The following CNBD1 variants were observed in gnomAD, a reference collection of about 807,000 sequenced individuals.
CNBD1 encodes cyclic nucleotide binding domain containing 1, also known as cyclic nucleotide-binding domain-containing protein 1.
In CNBD1, 71 loss-of-function variants were observed where a neutral mutation model predicts 54.4. The observed-to-expected ratio is 1.30, with a 90% CI of 1.08 to 1.59. The LOEUF (loss-of-function observed/expected upper bound fraction) is 1.59. Among genes scored for constraint, CNBD1 ranks in the 40% most tolerant of loss-of-function variants. CNBD1 has a pLI of 0.00. For synonymous variants in CNBD1, 182 were observed against 170.7 expected (o/e 1.07, Z -0.51); for missense variants, 659 against 518.0 (o/e 1.27, Z -2.64).
chr8:87,389,567 G>T (rs1255444852), intron 2 of CNBD1, among the ~76,000 whole-genome samples: 2 of 152,096 alleles, frequency 1.3e-5, no homozygotes, highest in Non-Finnish European at 2.9e-5. Flanking sequence ...CCTCTTCAAG[G>T]AGAACTACAA....
intron 2 of CNBD1, among the ~76,000 whole-genome samples, chr8:87,425,338 C>T (rs975650873): frequency 6.6e-6 from 1 of 152,180 alleles, no homozygotes; most frequent in Non-Finnish European, 1.5e-5. Context: ...CATTCTCCGT[C>T]CAGCTTTGTT....
chr8:87,407,168 A>G (rs929115792), intron 2 of CNBD1, among the ~76,000 whole-genome samples: 1 of 152,086 alleles, frequency 6.6e-6, no homozygotes, highest in African/African-American at 2.4e-5. Context: ...TTACTTACTT[A>G]CTACACCTAT....
intron 2 of CNBD1, among the ~76,000 whole-genome samples, chr8:87,399,179 A>AT (rs1811457728): frequency 6.6e-6 from 1 of 152,004 alleles, no homozygotes. Context: ...GCTGATGGTT[A>AT]TTTTTGTTAC....
At chr8:87,269,787 A>T (rs989778885) in intron 6 of CNBD1, among the ~76,000 whole-genome samples, 10 of 152,048 alleles carry the variant, frequency 6.6e-5, no homozygotes, top group Non-Finnish European at 1.5e-4. Flanking sequence ...CCTACTAACC[A>T]AAAATAGTCC....
intron 4 of CNBD1, among the ~76,000 whole-genome samples, chr8:87,054,417 G>A (rs558084653): frequency 6.6e-6 from 1 of 152,268 alleles, no homozygotes; most frequent in South Asian, 2.1e-4. Context: ...ACCCCATTGA[G>A]GGCTATCATT....
intron 8 of CNBD1, among the ~76,000 whole-genome samples, chr8:87,334,963 A>G (rs1270174787): frequency 6.6e-6 from 1 of 151,904 alleles, no homozygotes; most frequent in Non-Finnish European, 1.5e-5. Flanking sequence ...TGACCTCATG[A>G]TCCACCCACC....
At position 87,316,452 on chromosome 8, in the gene CNBD1, G is replaced by C. The variant is rs181668543; in HGVS notation, c.1042+29781G>C. Among the ~76,000 whole-genome samples the C allele has an allele frequency of 5.3e-3, 803 of 151,984 alleles. 8 individuals are homozygous for C. The highest frequency in any genetic ancestry group is 0.042 in the South Asian group (201 of 4,824). ...GAAAACAAGAATCTTATGTAATTTA[G>C]GTAGGTGTGTCAATTGATGCAACAT... is the stretch of plus-strand genomic sequence containing the variant. On this transcript the variant is annotated intron_variant, in intron 8 of 10. Coordinates refer to ENST00000518476, the MANE Select transcript of CNBD1 (RefSeq NM_173538.3).
chr8:87,163,518 C>T lies in CNBD1; in HGVS notation c.432-42475C>T, dbSNP rs1812899920. The stretch of plus-strand genomic sequence containing the variant: ...TATTCAATGTGTACAGTTTTCTTAC[C>T]TCCTTGGTTAAATTTATTCCTAAGT... On this transcript the variant is annotated intron_variant, in intron 4 of 10. Coordinates refer to ENST00000518476, the MANE Select transcript of CNBD1 (RefSeq NM_173538.3). This position sits in a 1 kb window ranked among gnomAD's most constrained non-coding sequence, Gnocchi z 4.5. 6.6e-6 allele frequency among the ~76,000 whole-genome samples: 1 copy of T among 151,554 alleles called. No individual in the cohort carries two copies. The highest frequency in any genetic ancestry group is 1.5e-5 in the Non-Finnish European group (1 of 67,838).
chr8:87,214,588 A>G (rs1381905579), intron 5 of CNBD1, among the ~76,000 whole-genome samples: 1 of 152,136 alleles, frequency 6.6e-6, no homozygotes. Flanking sequence ...ACCAGTATCA[A>G]TTTACTTTAT....
chr8:87,273,905 A>G (rs891230106), intron 6 of CNBD1, among the ~76,000 whole-genome samples: 1 of 148,856 alleles, frequency 6.7e-6, no homozygotes, highest in Non-Finnish European at 1.5e-5. Flanking sequence ...TATATCTCCC[A>G]ATGCTATCCC....
intron 8 of CNBD1, among the ~76,000 whole-genome samples, chr8:87,331,183 A>C (rs1382153435): frequency 6.6e-6 from 1 of 152,106 alleles, no homozygotes; most frequent in East Asian, 1.9e-4. Flanking sequence ...TCCGACATGC[A>C]TTAGCTATCT....
chr8:86,953,243 CAACTTAA>C (rs1807671040), intron 4 of CNBD1, among the ~76,000 whole-genome samples: 1 of 152,110 alleles, frequency 6.6e-6, no homozygotes, highest in Non-Finnish European at 1.5e-5. Context: ...AGAAAAGAAA[CAACTTAA>C]TAATTGGGTA....
At chr8:87,100,317 T>A (rs557659242) in intron 4 of CNBD1, among the ~76,000 whole-genome samples, 1 of 152,256 alleles carries the variant, frequency 6.6e-6, no homozygotes, top group Admixed American at 6.5e-5. Context: ...AAAGAAAATA[T>A]TTGACGAAAC....
At chr8:87,422,278 A>C (rs973702200) in intron 2 of CNBD1, among the ~76,000 whole-genome samples, 5 of 145,084 alleles carry the variant, frequency 3.4e-5, no homozygotes, top group East Asian at 2.0e-4. Context: ...CTTTAGTTTA[A>C]TTAGATCCCA....
chr8:87,029,494 G>A (rs1250699098), intron 4 of CNBD1, among the ~76,000 whole-genome samples: 1 of 152,144 alleles, frequency 6.6e-6, no homozygotes, highest in Non-Finnish European at 1.5e-5. Context: ...AGGTAAAGCA[G>A]TGTAGAGAAG....
intron 4 of CNBD1, among the ~76,000 whole-genome samples, chr8:87,080,156 T>A (rs1337458054): frequency 2.0e-5 from 3 of 152,382 alleles, no homozygotes; most frequent in South Asian, 4.1e-4. Context: ...TGTGTATCTG[T>A]CCTTTCATGA....
intron 6 of CNBD1, among the ~76,000 whole-genome samples, chr8:87,258,423 AT>A (rs1563527118): frequency 3.8e-5 from 3 of 78,994 alleles, no homozygotes; most frequent in African/African-American, 1.4e-4. Context: ...TCTTTTTTTT[AT>A]TTCTTTTTTT....
intron 5 of CNBD1, among the ~76,000 whole-genome samples, chr8:87,234,610 C>T (rs758786344): frequency 6.6e-6 from 1 of 152,110 alleles, no homozygotes; most frequent in African/African-American, 2.4e-5. Context: ...TTATAGAATG[C>T]TATAAAAAGA....
chr8:87,124,124 T>C (rs1265505197), intron 4 of CNBD1, among the ~76,000 whole-genome samples: 1 of 151,656 alleles, frequency 6.6e-6, no homozygotes, highest in Non-Finnish European at 1.5e-5. Flanking sequence ...CTAAATTCTT[T>C]TTATGAGGCT....
Sources: allele counts gnomAD v4.1 joint callset (sites outside exome capture counted in the v4.1 genomes callset), GRCh38; gene constraint gnomAD v4.1.1; non-coding constraint Gnocchi (gnomAD v3.1); transcripts MANE v1.5; gene names NCBI Gene and HGNC (gene_info 2026-07-23, HGNC 2026-07-21).